RBM41: variants seen among roughly 807,000 people sequenced by gnomAD.
RBM41 encodes the protein RNA-binding protein 41.
A neutral mutation model predicts 30.8 loss-of-function variants in RBM41; 14 were observed. The ratio of observed to expected loss-of-function variants is 0.45; its 90% CI spans 0.30 to 0.71. The LOEUF is 0.71. Ranked by LOEUF, RBM41 falls within the 30% of genes least tolerant of loss-of-function variation. The pLI is 0.08. For synonymous variants in RBM41, 120 were observed against 110.1 expected (o/e 1.09, Z -0.56); for missense variants, 276 against 326.3 (o/e 0.85, Z 1.19).
intron 5 of RBM41, among the ~76,000 whole-genome samples, chrX:107,097,574 C>T: frequency 9.0e-6 from 1 of 111,613 alleles, no homozygotes. Flanking sequence ...TGTCTGCTTC[C>T]CCTTCCGCTA....
intron 6 of RBM41, among the ~76,000 whole-genome samples, chrX:107,080,278 TAA>T: frequency 1.1e-5 from 1 of 94,228 alleles, no homozygotes; most frequent in Non-Finnish European, 2.2e-5. Flanking sequence ...AATATATCCA[TAA>T]AAAAAAAAAA....
intron 6 of RBM41, among the ~76,000 whole-genome samples, chrX:107,076,730 A>T (rs760542633): frequency 9.2e-4 from 103 of 111,575 alleles, no homozygotes; most frequent in African/African-American, 3.2e-3. Flanking sequence ...AACACAATTT[A>T]AAAAAATGGA....
At chrX:107,105,895 G>A (rs1285204644) in intron 5 of RBM41, among the ~76,000 whole-genome samples, 2 of 111,639 alleles carry the variant, frequency 1.8e-5, no homozygotes, top group African/African-American at 3.3e-5. Context: ...TTACATGTTA[G>A]ACCTAAAACC....
intron 6 of RBM41, among the ~76,000 whole-genome samples, chrX:107,082,290 C>G (rs188311007): frequency 1.8e-5 from 2 of 111,575 alleles, no homozygotes; most frequent in African/African-American, 6.5e-5. Context: ...CTTCTTTAGT[C>G]TATTGATGTG....
chrX:107,074,580 A>G (rs1936171119), intron 6 of RBM41, among the ~76,000 whole-genome samples: 2 of 112,379 alleles, frequency 1.8e-5, no homozygotes, highest in African/African-American at 6.5e-5. Flanking sequence ...AGAATAAAAA[A>G]TCAACATAGA....
At chrX:107,115,100 C>G in intron 4 of RBM41, 1 of 371,271 alleles carries the variant, frequency 2.7e-6, no homozygotes, top group Non-Finnish European at 4.7e-6. Flanking sequence ...TCTGACTCCC[C>G]CAACTAGACT....
chrX:107,088,015 CAT>C (rs1367210001), intron 6 of RBM41, among the ~76,000 whole-genome samples: 1 of 112,125 alleles, frequency 8.9e-6, no homozygotes, highest in Non-Finnish European at 1.9e-5. Flanking sequence ...AGAGAAGACT[CAT>C]GTGGTAGCAT....
chrX:107,111,672 G>A (rs1335548791), intron 5 of RBM41, among the ~76,000 whole-genome samples: 8 of 111,463 alleles, frequency 7.2e-5, no homozygotes, highest in Non-Finnish European at 1.5e-4. Flanking sequence ...AACAAAATGT[G>A]CTATATACAT....
At position 107,103,139 on chromosome X, in the gene RBM41, C is replaced by A. The variant is rs1337730105; in HGVS notation, c.595+10258G>T. 2.7e-5 allele frequency among the ~76,000 whole-genome samples: 3 copies of A among 111,005 alleles called. No individual in the cohort carries two copies. In the Admixed American group the frequency reaches 2.9e-4, roughly 11 times the overall value. On this transcript the variant is annotated intron_variant, in intron 5 of 7. Transcript: ENST00000685964. The stretch of plus-strand genomic sequence containing the variant: ...TTTTGGGGATGTTATGTATTTTGCA[C>A]GTGGATAGATGTGAATTTTTGGCAC...
intron 6 of RBM41, among the ~76,000 whole-genome samples, chrX:107,079,410 T>C (rs776460120): frequency 2.7e-5 from 3 of 111,688 alleles, no homozygotes; most frequent in Non-Finnish European, 5.6e-5. Flanking sequence ...GTATCAGAAT[T>C]GTTACTCCCT....
At chrX:107,109,925 C>T (rs1229233288) in intron 5 of RBM41, among the ~76,000 whole-genome samples, 2 of 110,880 alleles carry the variant, frequency 1.8e-5, no homozygotes, top group African/African-American at 6.5e-5. Context: ...TTATTTATTT[C>T]GAATTTCATT....
At chrX:107,075,895 A>G (rs1341726324) in intron 6 of RBM41, among the ~76,000 whole-genome samples, 1 of 112,039 alleles carries the variant, frequency 8.9e-6, no homozygotes, top group Non-Finnish European at 1.9e-5. Context: ...TATCCAAAAG[A>G]GCTGAAATCA....
At chrX:107,087,077 C>T (rs190520631) in intron 6 of RBM41, among the ~76,000 whole-genome samples, 1 of 110,961 alleles carries the variant, frequency 9.0e-6, no homozygotes, top group African/African-American at 3.3e-5. Flanking sequence ...GTGGTTACAT[C>T]TGGAAAGGAT....
intron 6 of RBM41, among the ~76,000 whole-genome samples, chrX:107,077,677 T>C (rs753414598): frequency 9.1e-6 from 1 of 110,021 alleles, no homozygotes; most frequent in Non-Finnish European, 1.9e-5. Context: ...CTCCAAGTCA[T>C]AATACAGCAT....
intron 6 of RBM41, among the ~76,000 whole-genome samples, chrX:107,087,806 G>A (rs1445665764): frequency 8.9e-6 from 1 of 111,877 alleles, no homozygotes; most frequent in Admixed American, 9.5e-5. Context: ...GTTTTACCAT[G>A]TTGGTCAGGC....
downstream of RBM41, among the ~76,000 whole-genome samples, chrX:107,057,156 A>G: frequency 9.0e-6 from 1 of 111,303 alleles, no homozygotes; most frequent in East Asian, 2.8e-4. Flanking sequence ...GACATGAGCC[A>G]CTGTGCCCAA....
intron 5 of RBM41, among the ~76,000 whole-genome samples, chrX:107,092,107 G>T (rs1273957481): frequency 9.0e-6 from 1 of 111,534 alleles, no homozygotes; most frequent in African/African-American, 3.3e-5. Flanking sequence ...CACGCTGTAG[G>T]AGTTATACTA....
At chrX:107,105,357 G>T (rs1234579205) in intron 5 of RBM41, among the ~76,000 whole-genome samples, 31 of 105,120 alleles carry the variant, frequency 2.9e-4, no homozygotes, top group African/African-American at 1.0e-3. Context: ...CACTGCTCAA[G>T]GAAATAAAAG....
chrX:107,055,182 T>C, the RBM41 span, among the ~76,000 whole-genome samples: 1 of 112,692 alleles, frequency 8.9e-6, no homozygotes, highest in Non-Finnish European at 1.9e-5. Context: ...CTCAATTCCT[T>C]TTCATGGCTG....
Sources: allele counts gnomAD v4.1 joint callset (sites outside exome capture counted in the v4.1 genomes callset), GRCh38; gene constraint gnomAD v4.1.1; transcripts MANE v1.5; gene names NCBI Gene and HGNC (gene_info 2026-07-23, HGNC 2026-07-21).